PIP4K2A: variants seen among roughly 807,000 people sequenced by gnomAD.
The protein encoded by PIP4K2A is phosphatidylinositol 5-phosphate 4-kinase type-2 alpha.
PIP4K2A carries 14 observed loss-of-function variants against 42.9 expected under a neutral mutation model. The observed-to-expected ratio is 0.33, with a 90% CI of 0.22 to 0.51. The LOEUF is 0.51. Ranked by LOEUF, PIP4K2A falls within the 20% of genes least tolerant of loss-of-function variation. PIP4K2A has a pLI of 0.97. For synonymous variants in PIP4K2A, 192 were observed against 192.2 expected, an observed-to-expected ratio of 1.00 and a Z score of 0.01; for missense variants, 434 against 519.8, an observed-to-expected ratio of 0.83 and a Z score of 1.61.
chr10:22,612,975 C>T (rs770594732), intron 1 of PIP4K2A, among the ~76,000 whole-genome samples: 3 of 151,820 alleles, frequency 2.0e-5, no homozygotes, highest in Non-Finnish European at 2.9e-5. Context: ...GGGAGGAAGG[C>T]GGAGAAGCAG....
chr10:22,536,951 A>C lies in PIP4K2A; in HGVS notation c.*250T>G, dbSNP rs2130730391. On this transcript the variant is annotated 3_prime_UTR_variant, in exon 10 of 10. Coordinates refer to ENST00000376573, the MANE Select transcript of PIP4K2A (RefSeq NM_005028.5). The stretch of plus-strand genomic sequence containing the variant: ...ACTTTTAAAATGCACACGCGCGCAC[A>C]CACTCACCCCCCCCCAACACACACA... The C allele has an allele frequency of 1.6e-5, 6 of 367,340 alleles. No homozygotes were observed. Among genetic ancestry groups the C allele is most frequent in the East Asian group, 4.6e-5 (1 of 21,840 alleles). 22.8% of individuals were successfully genotyped at this position (367,340 alleles called of 1,614,324 possible).
chr10:22,682,942 A>ATGT (rs1839691072), intron 1 of PIP4K2A, among the ~76,000 whole-genome samples: 1 of 152,132 alleles, frequency 6.6e-6, no homozygotes, highest in Admixed American at 6.5e-5. Flanking sequence ...GGAATGAACA[A>ATGT]TGTGCGGTCA....
chr10:22,646,061 A>C (rs1318265635), intron 1 of PIP4K2A, among the ~76,000 whole-genome samples: 1 of 152,140 alleles, frequency 6.6e-6, no homozygotes, highest in East Asian at 1.9e-4. Flanking sequence ...TTTTAATTTC[A>C]TGATCAATCT....
rs1588606932 is a variant in PIP4K2A, at chr10:22,536,488, T to C, written c.*713A>G. The C allele has an allele frequency of 5.5e-6, 1 of 181,922 alleles. No individual in the cohort carries two copies. Among genetic ancestry groups the C allele is most frequent in the East Asian group, 1.3e-4 (1 of 7,558 alleles). The allele number at this position is 181,922 out of a possible 1,614,324, so 11.3% of individuals were successfully genotyped here. ...GGTGGGGGCTCTGGACACCAGGGGG[T>C]CCTGACAAGGCTGGGGCCAGAACCC... On this transcript the variant is annotated 3_prime_UTR_variant, in exon 10 of 10. Coordinates refer to ENST00000376573, the MANE Select transcript of PIP4K2A (RefSeq NM_005028.5).
At position 22,541,948 on chromosome 10, in the gene PIP4K2A, C is replaced by T. The variant is rs1836128750; in HGVS notation, c.892G>A (p.Gly298Arg). The change falls in exon 8 of 10, where the codon GGG becomes AGG. Residue 298 changes from glycine to arginine, a missense_variant. Coordinates refer to ENST00000376573, the MANE Select transcript of PIP4K2A (RefSeq NM_005028.5). ...QEEVECEEND[G>R]EEEGESDGTH... Reference sequence around the variant, plus strand: ...CCATCGCTCTCGCCCTCCTCCTCCCCATCGTTCTCCTCACACTCCACTTCC... The same window carrying T: ...CCATCGCTCTCGCCCTCCTCCTCCCTATCGTTCTCCTCACACTCCACTTCC... The T allele has an allele frequency of 6.2e-7, 1 of 1,614,124 alleles. No homozygotes were observed. The highest frequency in any genetic ancestry group is 1.1e-5 in the South Asian group (1 of 91,084).
At chr10:22,567,460 T>C in intron 6 of PIP4K2A, 1 of 405,218 alleles carries the variant, frequency 2.5e-6, no homozygotes, top group South Asian at 2.0e-5. Flanking sequence ...CAAAGAAATG[T>C]ATTCAGGGTC....
At chr10:22,603,467 A>G (rs1404109381) in intron 3 of PIP4K2A, among the ~76,000 whole-genome samples, 1 of 152,072 alleles carries the variant, frequency 6.6e-6, no homozygotes, top group Non-Finnish European at 1.5e-5. Flanking sequence ...TATAAACATA[A>G]GAGACGATCA....
chr10:22,631,254 A>G (rs1778325), intron 1 of PIP4K2A, among the ~76,000 whole-genome samples: 12,881 of 152,200 alleles, frequency 0.085, 973 homozygotes, highest in African/African-American at 0.2. Flanking sequence ...AAATTCCTAC[A>G]ATGCAACCCT....
chr10:22,631,020 G>A (rs550984250), intron 1 of PIP4K2A, among the ~76,000 whole-genome samples: 1 of 152,180 alleles, frequency 6.6e-6, no homozygotes, highest in East Asian at 1.9e-4. Context: ...TCGCGATCAG[G>A]AGCCAAGTCA....
intron 1 of PIP4K2A, among the ~76,000 whole-genome samples, chr10:22,674,759 T>C (rs771648625): frequency 2.0e-5 from 3 of 151,408 alleles, no homozygotes; most frequent in Non-Finnish European, 2.9e-5. Context: ...CCAGGCAATA[T>C]TGCAAGACTC....
At chr10:22,657,711 G>C (rs1295651387) in intron 1 of PIP4K2A, among the ~76,000 whole-genome samples, 7 of 152,196 alleles carry the variant, frequency 4.6e-5, no homozygotes, top group Non-Finnish European at 7.3e-5. Context: ...TTGAATTTTG[G>C]AAATGTGTCC....
At chr10:22,673,827 C>T (rs1178118212) in intron 1 of PIP4K2A, among the ~76,000 whole-genome samples, 1 of 152,134 alleles carries the variant, frequency 6.6e-6, no homozygotes, top group East Asian at 1.9e-4. Flanking sequence ...ATTCATACCA[C>T]TATTTAATCC....
At chr10:22,664,452 C>T (rs1187216605) in intron 1 of PIP4K2A, among the ~76,000 whole-genome samples, 2 of 150,146 alleles carry the variant, frequency 1.3e-5, no homozygotes, top group African/African-American at 4.9e-5. Context: ...CCATTTTCTA[C>T]AGAATTACTT....
At position 22,540,094 on chromosome 10, in the gene PIP4K2A, A is replaced by G. The variant is rs753093999; in HGVS notation, c.1037-20T>C. ...GCGAGTCTGCAGAGACAGGAGAGCA[A>G]TGACTGTGGGACATGTGACAACACC... On this transcript the variant is annotated intron_variant, in intron 8 of 9. Transcript: ENST00000376573. The G allele has an allele frequency of 9.3e-6, 10 of 1,078,836 alleles. No homozygotes were observed. The South Asian group carries it at 1.1e-4, about 12-fold the overall frequency. 66.8% of individuals were successfully genotyped at this position (1,078,836 alleles called of 1,614,324 possible).
chr10:22,580,309 T>C (rs1837237564), intron 4 of PIP4K2A, among the ~76,000 whole-genome samples: 1 of 151,992 alleles, frequency 6.6e-6, no homozygotes, highest in Non-Finnish European at 1.5e-5. Flanking sequence ...AAAACTTAAA[T>C]ATCATAGACA....
intron 2 of PIP4K2A, among the ~76,000 whole-genome samples, chr10:22,609,066 T>G (rs1564441211): frequency 6.6e-6 from 1 of 152,228 alleles, no homozygotes. Flanking sequence ...TTTTGTACTC[T>G]GAGCCCCTTG....
intron 4 of PIP4K2A, among the ~76,000 whole-genome samples, chr10:22,588,224 T>C (rs1172992732): frequency 1.3e-5 from 2 of 152,238 alleles, no homozygotes; most frequent in African/African-American, 4.8e-5. Context: ...AGCAAAACGG[T>C]GCTGCAACTG....
At chr10:22,684,777 T>C (rs1839727607) in intron 1 of PIP4K2A, among the ~76,000 whole-genome samples, 1 of 152,162 alleles carries the variant, frequency 6.6e-6, no homozygotes, top group Admixed American at 6.5e-5. Context: ...TCTGTGAAAA[T>C]GCACAGCCCA....
intron 4 of PIP4K2A, among the ~76,000 whole-genome samples, chr10:22,574,377 T>C (rs1837060515): frequency 6.6e-6 from 1 of 151,890 alleles, no homozygotes; most frequent in Non-Finnish European, 1.5e-5. Context: ...TATTCAGAGA[T>C]GCTAATGATG....
Sources: allele counts gnomAD v4.1 joint callset (sites outside exome capture counted in the v4.1 genomes callset), GRCh38; gene constraint gnomAD v4.1.1; transcripts MANE v1.5; gene names NCBI Gene and HGNC (gene_info 2026-07-23, HGNC 2026-07-21).